The following KANK4 variants were observed in gnomAD, a reference collection of about 807,000 sequenced individuals.
KANK4 encodes KN motif and ankyrin repeat domain-containing protein 4.
Under a neutral mutation model 80.8 loss-of-function variants are expected in KANK4, and 50 were observed. The ratio of observed to expected loss-of-function variants is 0.62; its 90% CI spans 0.49 to 0.78. KANK4 has a LOEUF of 0.78. KANK4 is among the 30% of genes least tolerant of loss of function. The probability of loss-of-function intolerance (pLI) is 0.00; values close to 1 mark genes in which losing one functional copy is unlikely to be tolerated. For missense variants in KANK4, 1,196 were observed against 1,240.1 expected (o/e 0.96, Z 0.53); for synonymous variants, 465 against 506.9 (o/e 0.92, Z 1.11).
chr1:62,305,589 G>A (rs1644445168), intron 1 of KANK4, among the ~76,000 whole-genome samples: 1 of 152,004 alleles, frequency 6.6e-6, no homozygotes, highest in African/African-American at 2.4e-5. Context: ...GGGATTACAG[G>A]TGTGAGCCAC....
rs1671495610 is a variant in KANK4 at position 62,247,501 on chromosome 1, G to A, written c.2854C>T (p.Pro952Ser). ...VDLVRLLLAHPACDSSLTDKA... is the reference protein window; with the variant it reads ...VDLVRLLLAHSACDSSLTDKA... Reference sequence around the variant, plus strand: ...TCAGTCAGGCTGCTGTCGCAGGCTGGGTGTGCCAGGAGCAGCCGCACCAGG... The same window carrying A: ...TCAGTCAGGCTGCTGTCGCAGGCTGAGTGTGCCAGGAGCAGCCGCACCAGG... Residue 952 changes from proline (P) to serine (S), a missense_variant, in exon 9 of 10, where the codon CCA becomes TCA. Around this residue, in one of 3 missense-constraint regions of KANK4, gnomAD observed 1,154 missense variants for 1,179.6 expected, o/e 0.98. Transcript: ENST00000371153. The A allele has an allele frequency of 1.2e-6, 2 of 1,613,960 alleles. No individual in the cohort carries two copies. Among genetic ancestry groups the A allele is most frequent in the Non-Finnish European group, 1.7e-6 (2 of 1,180,024 alleles).
rs960181716 is a variant in KANK4, at chr1:62,281,643, A to G, written c.-70-9T>C. 5 of 1,532,746 alleles carry G rather than the reference A, an allele frequency of 3.3e-6. No homozygotes were observed. Among genetic ancestry groups the G allele is most frequent in the Admixed American group, 1.7e-5 (1 of 59,914 alleles). 94.9% of individuals were successfully genotyped at this position (1,532,746 alleles called of 1,614,324 possible). A position where few individuals can be genotyped will look rare whatever the true frequency, so the allele number is the denominator to read the frequency against. On this transcript the variant is annotated splice_polypyrimidine_tract_variant and intron_variant, in intron 1 of 9. Coordinates refer to ENST00000371153, the MANE Select transcript of KANK4 (RefSeq NM_181712.5). ...AAAACTTGTTGAAGGTTCTGAAAGA[A>G]AGGAGGATACAGAAGTGGTGAGTCT...
chr1:62,283,616 A>G (rs1672499030), intron 1 of KANK4, among the ~76,000 whole-genome samples: 1 of 152,196 alleles, frequency 6.6e-6, no homozygotes. Flanking sequence ...CAGTAAACAC[A>G]AAAAGCCTCT....
At position 62,281,594 on chromosome 1, in the gene KANK4, G is replaced by A; in HGVS notation, c.-30C>T. ...GGAGCGCTGACCCTCAGTGTCTCAG[G>A]CACTCTTCATCCAATGAGTCTGTAA... On this transcript the variant is annotated 5_prime_UTR_variant, in exon 2 of 10. Transcript: ENST00000371153. The A allele has an allele frequency of 3.7e-6, 6 of 1,613,868 alleles. No homozygotes were observed. Among genetic ancestry groups the A allele is most frequent in the Non-Finnish European group, 5.1e-6 (6 of 1,179,778 alleles).
intron 1 of KANK4, among the ~76,000 whole-genome samples, chr1:62,290,339 G>T (rs1038301780): frequency 6.6e-6 from 1 of 152,146 alleles, no homozygotes; most frequent in Admixed American, 6.6e-5. Flanking sequence ...CTGACAGACG[G>T]TCCTCACTCA....
At chr1:62,269,025 T>C (rs1177788153) in intron 4 of KANK4, among the ~76,000 whole-genome samples, 2 of 152,234 alleles carry the variant, frequency 1.3e-5, no homozygotes, top group Non-Finnish European at 2.9e-5. Flanking sequence ...TGGCAAGGCA[T>C]GAACTCCTCC....
intron 1 of KANK4, among the ~76,000 whole-genome samples, chr1:62,317,988 GA>G (rs1644556209): frequency 6.6e-6 from 1 of 152,178 alleles, no homozygotes. Context: ...GGCTGGGCTT[GA>G]AAAGGCAGTA....
Position 62,273,449 on chromosome 1 carries a change from G to C in KANK4, c.1655C>G (p.Pro552Arg). 1 of 1,613,904 alleles carries C rather than the reference G, an allele frequency of 6.2e-7. No individual in the cohort carries two copies. The highest frequency in any genetic ancestry group is 1.1e-5 in the South Asian group (1 of 90,978). ...AATAGTGGCATCCGTTGGCGAGCTT[G>C]GTGGCCTTCCCGGGTGCTCCTTCCC... ...LPGKEHPGRP[P>R]SSPTDATIGQ... is the part of the protein sequence containing the mutation. Residue 552 changes from proline (P) to arginine (R), a missense_variant, in exon 3 of 10, where the codon CCA becomes CGA. Physicochemically the swap from Pro to Arg is moderately radical, Grantham distance 103 (BLOSUM62 -2). Coordinates refer to ENST00000371153, the MANE Select transcript of KANK4 (RefSeq NM_181712.5).
chr1:62,245,385 G>C (rs891463095), intron 9 of KANK4, among the ~76,000 whole-genome samples: 2 of 152,220 alleles, frequency 1.3e-5, no homozygotes, highest in Non-Finnish European at 2.9e-5. Context: ...AGTGCCTGCT[G>C]TCTGGGTGTG....
chr1:62,313,831 C>T (rs1298085326), intron 1 of KANK4, among the ~76,000 whole-genome samples: 4 of 152,030 alleles, frequency 2.6e-5, no homozygotes, highest in Non-Finnish European at 5.9e-5. Flanking sequence ...CAAACCTGCA[C>T]GTTCTGCACA....
At chr1:62,245,301 T>C (rs1240168651) in intron 9 of KANK4, among the ~76,000 whole-genome samples, 1 of 152,208 alleles carries the variant, frequency 6.6e-6, no homozygotes, top group Non-Finnish European at 1.5e-5. Context: ...GTCAAGAAGG[T>C]CAGTGCCCTC....
At position 62,247,614 on chromosome 1, in the gene KANK4, G is replaced by C. The variant is rs762022520; in HGVS notation, c.2741C>G (p.Ala914Gly). 10 of 1,613,910 alleles carry C rather than the reference G, an allele frequency of 6.2e-6. No homozygotes were observed. In the East Asian group the frequency reaches 2.0e-4, roughly 32 times the overall value. Residue 914 changes from alanine (A) to glycine (G), a missense_variant, in exon 9 of 10, where the codon GCG (alanine) becomes GGG (glycine). Physicochemically the swap from Ala to Gly is moderately conservative, Grantham distance 60 (BLOSUM62 0). Coordinates refer to ENST00000371153, the MANE Select transcript of KANK4 (RefSeq NM_181712.5). ...GACATCTGCCTGGCAGCTAAGCAGC[G>C]CTTGAACCATGTCCTCCCTGTCGTG... ...VSHDREDMVQ[A>G]LLSCQADVNL...
In KANK4 at chr1:62,273,902, T is replaced by G; in HGVS notation, c.1202A>C (p.Glu401Ala). The change falls in exon 3 of 10, where the codon GAG becomes GCG. Residue 401 changes from glutamate to alanine, a missense_variant. Glu to Ala is a moderately radical substitution (Grantham distance 107). Around this residue, in one of 3 missense-constraint regions of KANK4, gnomAD observed 1,154 missense variants for 1,179.6 expected, o/e 0.98. Coordinates refer to ENST00000371153, the MANE Select transcript of KANK4 (RefSeq NM_181712.5). Reference protein sequence around the residue: ...VAQLEGQFHQENAKDTQGQTD... With the variant: ...VAQLEGQFHQANAKDTQGQTD... Reference sequence around the variant, plus strand: ...CTGGCCCTGAGTGTCTTTGGCGTTCTCTTGGTGAAACTGTCCTTCCAGTTG... The same window carrying G: ...CTGGCCCTGAGTGTCTTTGGCGTTCGCTTGGTGAAACTGTCCTTCCAGTTG... The G allele has an allele frequency of 6.2e-7, 1 of 1,614,226 alleles. No homozygotes were observed. The highest frequency in any genetic ancestry group is 8.5e-7 in the Non-Finnish European group (1 of 1,180,036).
At chr1:62,276,682 C>T (rs141601529) in intron 2 of KANK4, among the ~76,000 whole-genome samples, 5 of 151,362 alleles carry the variant, frequency 3.3e-5, no homozygotes, top group Middle Eastern at 3.4e-3. Flanking sequence ...GAGGCTGAGG[C>T]GGGAGAATCG....
At position 62,281,504 on chromosome 1, in the gene KANK4, C is replaced by T. The variant is rs747591241; in HGVS notation, c.16+45G>A. 18 of 1,613,244 alleles carry T rather than the reference C, an allele frequency of 1.1e-5. 1 individual carries two copies. In the South Asian group the frequency reaches 2.0e-4, roughly 18 times the overall value. ...TTTGTGGCAACAATTCTTTCCCAGC[C>T]CAAGTGCTTATCTTAAACCAGGCCC... On this transcript the variant is annotated intron_variant, in intron 2 of 9. Coordinates refer to ENST00000371153, the MANE Select transcript of KANK4 (RefSeq NM_181712.5).
chr1:62,261,238 C>A (rs919835816), intron 7 of KANK4, among the ~76,000 whole-genome samples: 1 of 149,504 alleles, frequency 6.7e-6, no homozygotes, highest in African/African-American at 2.5e-5. Context: ...CTCACTGAAA[C>A]CCCCACCCAC....
rs1482582182 is a variant in KANK4 at position 62,263,219 on chromosome 1, C to T, written c.2412G>A (p.Glu804=). Residue 804 remains glutamate, a synonymous_variant, in exon 7 of 10, where the codon GAG becomes GAA. Coordinates refer to ENST00000371153, the MANE Select transcript of KANK4 (RefSeq NM_181712.5). ...SPAVVASYLH[E]VQPHSPHFLK... ...GGAAGTGTGGGGAGTGAGGCTGGAC[C>T]TCGTGGAGGTAGGAGGCCACCACGG... is the stretch of plus-strand genomic sequence containing the variant. 2 of 1,613,932 alleles carry T rather than the reference C, an allele frequency of 1.2e-6. No individual in the cohort carries two copies. Among genetic ancestry groups the T allele is most frequent in the African/African-American group, 2.7e-5 (2 of 75,002 alleles).
At chr1:62,263,657 C>G (rs191802451) in intron 6 of KANK4, among the ~76,000 whole-genome samples, 59 of 152,142 alleles carry the variant, frequency 3.9e-4, no homozygotes, top group African/African-American at 1.4e-3. Flanking sequence ...TTACAAAGGC[C>G]CTCTCCTTCC....
At chr1:62,296,949 G>C (rs1483356767) in intron 1 of KANK4, among the ~76,000 whole-genome samples, 1 of 152,044 alleles carries the variant, frequency 6.6e-6, no homozygotes, top group East Asian at 1.9e-4. Flanking sequence ...AGGCTCAGTG[G>C]CTCACGCCTG....
Sources: gnomAD v4.1 joint callset for allele counts (sites outside exome capture counted in the v4.1 genomes callset) on GRCh38, gnomAD v4.1.1 for gene constraint, gnomAD v4.1.1 regional missense constraint, MANE v1.5 for transcripts, NCBI Gene and HGNC (gene_info 2026-07-23, HGNC 2026-07-21) for gene names.